The following TTN variants were observed in gnomAD, a reference collection of about 807,000 sequenced individuals.
TTN encodes the protein connectin.
TTN carries 1,525 observed loss-of-function variants against 3,223.0 expected under a neutral mutation model. The ratio of observed to expected loss-of-function variants is 0.47; its 90% CI spans 0.45 to 0.49. TTN has a LOEUF of 0.49. TTN is among the 20% of genes least tolerant of loss of function. The pLI is 0.00. For synonymous variants in TTN, 14,094 were observed against 15,161.0 expected (o/e 0.93, Z 5.17); for missense variants, 40,786 against 43,424.0 (o/e 0.94, Z 5.40).
chr2:178,563,587 T>C lies in TTN; in HGVS notation c.82545A>G (p.Arg27515=). The change falls in exon 326 of 363, where the codon AGA becomes AGG. Residue 27515 remains arginine, a synonymous_variant. Transcript: ENST00000589042. This position sits in a 1 kb window ranked among gnomAD's most constrained non-coding sequence, Gnocchi z 4.5. ...ATGTTTTCTTGTTGCACTTGGTCCATCTAACGCCTTCCTTATCTCGTTTTT... is the reference window on the plus strand; with the variant it reads ...ATGTTTTCTTGTTGCACTTGGTCCACCTAACGCCTTCCTTATCTCGTTTTT... ...ILEKRDKEGV[R]WTKCNKKTLT... The C allele has an allele frequency of 1.9e-6, 3 of 1,613,796 alleles. No homozygotes were observed. Among genetic ancestry groups the C allele is most frequent in the Admixed American group, 1.7e-5 (1 of 60,000 alleles).
At chr2:178,804,460 G>T in intron 2 of TTN, 92 bp downstream of exon 2, 2 of 1,264,530 alleles carry the variant, frequency 1.6e-6, no homozygotes, top group Non-Finnish European at 2.3e-6. Flanking sequence ...TGAAAGCAGG[G>T]CTTAAACTTG....
chr2:178,754,143 T>C (rs901474510), intron 46 of TTN: 2 of 152,140 alleles, frequency 1.3e-5, no homozygotes, highest in Non-Finnish European at 2.9e-5. Context: ...GAAACTTATA[T>C]ATGATATGTT....
chr2:178,650,078 A>G (rs2062687051), intron 210 of TTN, 86 bp downstream of exon 210: 4 of 1,335,942 alleles, frequency 3.0e-6, no homozygotes, highest in Non-Finnish European at 4.1e-6. Flanking sequence ...ACAAGATACA[A>G]GACTGATATT....
Position 178,663,650 on chromosome 2 carries a change from T to C in TTN, c.36509A>G (p.Glu12170Gly). 1 of 1,613,690 alleles carries C rather than the reference T, an allele frequency of 6.2e-7. No individual in the cohort carries two copies. The highest frequency in any genetic ancestry group is 8.5e-7 in the Non-Finnish European group (1 of 1,179,748). ...ACCTTTAACAGGTGGGACTTCAGGC[T>C]CTTTAGGAGGAGCCACTGGCGCTTT... ...EKKAPVAPPK[E>G]PEVPPVKVPE... The change falls in exon 171 of 363, where the codon GAG (glutamate) becomes GGG (glycine). Residue 12170 changes from glutamate (E) to glycine (G), a missense_variant. Glu to Gly is a moderately conservative substitution (Grantham distance 98). Coordinates refer to ENST00000589042, the MANE Select transcript of TTN (RefSeq NM_001267550.2).
In TTN at chr2:178,632,807, CA is replaced by C; in HGVS notation, c.43214-16del. The C allele has an allele frequency of 6.2e-7, 1 of 1,612,816 alleles. No homozygotes were observed. The highest frequency in any genetic ancestry group is 8.5e-7 in the Non-Finnish European group (1 of 1,179,432). The stretch of plus-strand genomic sequence containing the variant: ...AAGAGGCAATTCTGAAAGAAGTGGA[CA>C]GTGGATGAAGTCAGAATACGTTTCC... On this transcript the variant is annotated splice_polypyrimidine_tract_variant and intron_variant, in intron 234 of 362. Coordinates refer to ENST00000589042, the MANE Select transcript of TTN (RefSeq NM_001267550.2).
In TTN at chr2:178,575,478, C is replaced by T; in HGVS notation, c.70654G>A (p.Ala23552Thr). Residue 23552 changes from alanine (A) to threonine (T), a missense_variant, in exon 326 of 363, where the codon GCA (alanine) becomes ACA (threonine). Ala to Thr is a moderately conservative substitution (Grantham distance 58, BLOSUM62 0). Transcript: ENST00000589042. This position sits in a 1 kb window ranked among gnomAD's most constrained non-coding sequence, Gnocchi z 4.0. ...MDITKSTVSLAWPKPKHDGGS... is the reference protein window; with the variant it reads ...MDITKSTVSLTWPKPKHDGGS... ...CCATCGTGTTTGGGCTTAGGCCATG[C>T]CAGGCTGACGGTGCTCTTAGTTATG... The T allele has an allele frequency of 6.2e-7, 1 of 1,613,604 alleles. No homozygotes were observed. Among genetic ancestry groups the T allele is most frequent in the Non-Finnish European group, 8.5e-7 (1 of 1,179,654 alleles).
chr2:178,585,418 G>T, intron 308 of TTN, 71 bp from the exon 309 acceptor site: 3 of 1,482,272 alleles, frequency 2.0e-6, no homozygotes, highest in Non-Finnish European at 2.7e-6. Flanking sequence ...AGCTATACTG[G>T]TGCAAATTAA....
Position 178,738,175 on chromosome 2 carries a change from G to C in TTN, c.14278C>G (p.Leu4760Val), listed in dbSNP as rs2081864970. 6.2e-7 allele frequency: 1 copy of C among 1,613,602 alleles called. No homozygotes were observed. Among genetic ancestry groups the C allele is most frequent in the African/African-American group, 1.3e-5 (1 of 74,896 alleles). Reference protein sequence around the residue: ...SSKYISSLEILRTQVVDCGEY... With the variant: ...SSKYISSLEIVRTQVVDCGEY... ...CCGCAGTCAACCACCTGGGTTCTCA[G>C]GATTTCAAGGCTGGAGATATACTTT... The change falls in exon 49 of 363, where the codon CTG becomes GTG. Residue 4760 changes from leucine (L) to valine (V), a missense_variant. Leu to Val is a conservative substitution (Grantham distance 32). Transcript: ENST00000589042.
Position 178,574,428 on chromosome 2 carries a change from T to C in TTN, c.71704A>G (p.Ile23902Val), listed in dbSNP as rs1160675688. Reference protein sequence around the residue: ...TDGIAYEFRVIAENMAGKSKP... With the variant: ...TDGIAYEFRVVAENMAGKSKP... Reference sequence around the variant, plus strand: ...CTTTTGCCTGCCATGTTTTCTGCAATCACCCGGAACTCATAAGCAATACCA... The same window carrying C: ...CTTTTGCCTGCCATGTTTTCTGCAACCACCCGGAACTCATAAGCAATACCA... Residue 23902 changes from isoleucine to valine, a missense_variant, in exon 326 of 363, where the codon ATT (isoleucine) becomes GTT (valine). Ile to Val is a conservative substitution (Grantham distance 29). Coordinates refer to ENST00000589042, the MANE Select transcript of TTN (RefSeq NM_001267550.2). 3 of 1,613,540 alleles carry C rather than the reference T, an allele frequency of 1.9e-6. No individual in the cohort carries two copies. The South Asian group carries it at 3.3e-5, about 18-fold the overall frequency.
At chr2:178,635,376 G>GTGTGT in intron 227 of TTN, 64 bp downstream of exon 227, 2 of 1,606,692 alleles carry the variant, frequency 1.2e-6, no homozygotes, top group Non-Finnish European at 1.7e-6. Context: ...ATGTGTTTTG[G>GTGTGT]TGTGTTATTT....
Position 178,618,841 on chromosome 2 carries a change from AT to A in TTN, c.46708del (p.Ile15570SerfsTer16). The A allele has an allele frequency of 6.2e-7, 1 of 1,609,450 alleles. No individual in the cohort carries two copies. The highest frequency in any genetic ancestry group is 8.5e-7 in the Non-Finnish European group (1 of 1,178,408). On this transcript the variant is annotated frameshift_variant, in exon 251 of 363. Transcript: ENST00000589042. LOFTEE classifies it high-confidence loss of function. ...CACAAGGTCTTGGTCAGCTGTCTTG[AT>A]TTTTGGTGCAGCTAGTGAGAAAGAT... Reference protein sequence around the residue: ...AKLELAAAPKIKTADQDLVVD... With the variant: ...AKLELAAAPKXKTADQDLVVD...
At position 178,534,483 on chromosome 2, in the gene TTN, A is replaced by G. The variant is rs1559038113; in HGVS notation, c.102132T>C (p.Ile34044=). 1.2e-6 allele frequency: 2 copies of G among 1,613,740 alleles called. No homozygotes were observed. The highest frequency in any genetic ancestry group is 1.7e-6 in the Non-Finnish European group (2 of 1,179,812). The change falls in exon 358 of 363, where the codon ATT becomes ATC. Residue 34044 remains isoleucine, a synonymous_variant. Coordinates refer to ENST00000589042, the MANE Select transcript of TTN (RefSeq NM_001267550.2). Reference sequence around the variant, plus strand: ...ACCGGTCAACAAAATCCATGGCTTCAATGCTAATCTCTTTGAATGCTTCCT... The same window carrying G: ...ACCGGTCAACAAAATCCATGGCTTCGATGCTAATCTCTTTGAATGCTTCCT... ...FDEEAFKEIS[I]EAMDFVDRLL... is the part of the protein sequence containing the mutation.
At position 178,799,549 on chromosome 2, in the gene TTN, C is replaced by A. The variant is rs768340304; in HGVS notation, c.852G>T (p.Ser284=). The A allele has an allele frequency of 2.4e-5, 39 of 1,613,968 alleles. No homozygotes were observed. The highest frequency in any genetic ancestry group is 3.2e-5 in the Non-Finnish European group (38 of 1,180,006). ...CCGGGGAAGGGGAGTGTCTTATGGGCGATGGGGACTGCTGCCGAGCCAGCT... is the reference window on the plus strand; with the variant it reads ...CCGGGGAAGGGGAGTGTCTTATGGGAGATGGGGACTGCTGCCGAGCCAGCT... ...KAQLARQQSP[S]PIRHSPSPVR... is the part of the protein sequence containing the mutation. The change falls in exon 6 of 363, where the codon TCG becomes TCT. Residue 284 remains serine (S), a synonymous_variant. Coordinates refer to ENST00000589042, the MANE Select transcript of TTN (RefSeq NM_001267550.2).
chr2:178,799,776 G>C (rs1178292097), intron 5 of TTN, 45 bp from the exon 6 acceptor site: 5 of 1,614,042 alleles, frequency 3.1e-6, no homozygotes, highest in Non-Finnish European at 4.2e-6. Flanking sequence ...GGAATAGCTG[G>C]GGACGCAACA....
Position 178,588,869 on chromosome 2 carries a change from A to G in TTN, c.62856T>C (p.Ser20952=). The G allele has an allele frequency of 6.2e-7, 1 of 1,613,252 alleles. No homozygotes were observed. The highest frequency in any genetic ancestry group is 1.1e-5 in the South Asian group (1 of 91,058). Residue 20952 remains serine, a synonymous_variant, in exon 304 of 363, where the codon AGT becomes AGC. Transcript: ENST00000589042. ...ACTTGGTTTTGGCTATGACTGGTTT[A>G]CTTTCTGTTGGAGGCCCTGTGCCTA... The part of the protein sequence containing the change: ...NKIGTGPPTE[S]KPVIAKTKYD...
chr2:178,745,916 A>G (rs576269583), intron 47 of TTN: 23 of 1,609,386 alleles, frequency 1.4e-5, no homozygotes, highest in Admixed American at 1.2e-4. Flanking sequence ...GCTCTTTAAG[A>G]CCAATTCTTC....
At chr2:178,663,168 A>G (rs2065073634) in intron 173 of TTN, 98 bp downstream of exon 173, 20 of 1,605,496 alleles carry the variant, frequency 1.2e-5, no homozygotes, top group Admixed American at 1.0e-4. Context: ...TTTTCTTTAG[A>G]ATTATATCAT....
Position 178,634,690 on chromosome 2 carries a change from G to C in TTN, c.42151+33C>G. 6.2e-7 allele frequency: 1 copy of C among 1,612,182 alleles called. No individual in the cohort carries two copies. The highest frequency in any genetic ancestry group is 8.5e-7 in the Non-Finnish European group (1 of 1,179,248). On this transcript the variant is annotated intron_variant, in intron 229 of 362. Coordinates refer to ENST00000589042, the MANE Select transcript of TTN (RefSeq NM_001267550.2). This position sits in a 1 kb window ranked among gnomAD's most constrained non-coding sequence, Gnocchi z 4.6. ...ATGCACAGGGAAGTGAAATAAAGTT[G>C]AGACCCCTCCCCAAATTCTAAAAGC... is the stretch of plus-strand genomic sequence containing the variant.
At chr2:178,787,712 T>C (rs7423101) in intron 13 of TTN, among the ~76,000 whole-genome samples, 24,423 of 152,062 alleles carry the variant, frequency 0.16, 2,673 homozygotes, top group Admixed American at 0.31. Flanking sequence ...TTTAAACATA[T>C]GGAAAAATCT....
Sources: gnomAD v4.1 joint callset for allele counts (sites outside exome capture counted in the v4.1 genomes callset) on GRCh38, gnomAD v4.1.1 for gene constraint, Gnocchi (gnomAD v3.1) non-coding constraint, MANE v1.5 for transcripts, NCBI Gene and HGNC (gene_info 2026-07-23, HGNC 2026-07-21) for gene names.